Variants in ZNF804A observed in about 807,000 individuals in gnomAD.
ZNF804A encodes the protein zinc finger protein 804A.
Under a neutral mutation model 16.5 loss-of-function variants are expected in ZNF804A, and 2 were observed. That is an observed-to-expected ratio of 0.12 (90% CI 0.05 to 0.38). The LOEUF (loss-of-function observed/expected upper bound fraction) is 0.38, where lower values mean the gene tolerates loss of function less well. Among genes scored for constraint, ZNF804A ranks in the 10% least tolerant of loss-of-function variants. ZNF804A has a pLI of 0.99. For synonymous variants in ZNF804A, 534 were observed against 489.6 expected (o/e 1.09, Z -1.20); for missense variants, 1,473 against 1,390.7 (o/e 1.06, Z -0.94).
intron 2 of ZNF804A, among the ~76,000 whole-genome samples, chr2:184,903,673 C>A (rs1339011585): frequency 6.6e-6 from 1 of 152,076 alleles, no homozygotes; most frequent in Non-Finnish European, 1.5e-5. Flanking sequence ...TAGTTTATTT[C>A]ATTTTTATAA....
At chr2:184,920,240 A>G (rs896277131) in intron 2 of ZNF804A, among the ~76,000 whole-genome samples, 7 of 152,238 alleles carry the variant, frequency 4.6e-5, no homozygotes, top group East Asian at 1.9e-4. Flanking sequence ...GTCAAATGTC[A>G]CTTGCCCAGT....
intron 2 of ZNF804A, among the ~76,000 whole-genome samples, chr2:184,877,920 A>G (rs1021077431): frequency 2.6e-5 from 4 of 152,132 alleles, no homozygotes; most frequent in African/African-American, 7.2e-5. Context: ...GGAGAGAAGC[A>G]GTTAAGCAAG....
At chr2:184,849,993 C>T (rs111259937) in intron 1 of ZNF804A, among the ~76,000 whole-genome samples, 3 of 151,980 alleles carry the variant, frequency 2.0e-5, no homozygotes, top group Admixed American at 6.6e-5. Flanking sequence ...TATGTTCTCA[C>T]TCATATGTAG....
intron 2 of ZNF804A, among the ~76,000 whole-genome samples, chr2:184,870,930 T>C (rs1303792896): frequency 1.3e-5 from 2 of 151,918 alleles, no homozygotes; most frequent in African/African-American, 4.8e-5. Flanking sequence ...ATATGCACTC[T>C]ATAAAATTCT....
At chr2:184,878,438 G>A (rs1054722479) in intron 2 of ZNF804A, among the ~76,000 whole-genome samples, 2 of 152,032 alleles carry the variant, frequency 1.3e-5, no homozygotes, top group Non-Finnish European at 2.9e-5. Context: ...GCAGCAATAT[G>A]ATATGTGATT....
Position 184,598,887 on chromosome 2 carries a change from C to T in ZNF804A, c.-73C>T, listed in dbSNP as rs996604583. The T allele has an allele frequency of 1.0e-6, 1 of 997,574 alleles. No homozygotes were observed. The highest frequency in any genetic ancestry group is 1.7e-5 in the African/African-American group (1 of 58,226). 61.8% of individuals were successfully genotyped at this position (997,574 alleles called of 1,614,324 possible). A position where few individuals can be genotyped will look rare whatever the true frequency, so the allele number is the denominator to read the frequency against. On this transcript the variant is annotated 5_prime_UTR_variant, in exon 1 of 4. Coordinates refer to ENST00000302277, the MANE Select transcript of ZNF804A (RefSeq NM_194250.2). Reference sequence around the variant, plus strand: ...GGGTTCCCAGCCCACCGTCGCCGGCCCCGGCGCGCTGCGGCTGTGGGCGCG... The same window carrying T: ...GGGTTCCCAGCCCACCGTCGCCGGCTCCGGCGCGCTGCGGCTGTGGGCGCG...
intron 1 of ZNF804A, among the ~76,000 whole-genome samples, chr2:184,808,603 T>C (rs1045175851): frequency 1.3e-5 from 2 of 151,502 alleles, no homozygotes; most frequent in Non-Finnish European, 1.5e-5. Context: ...TAAATATTAA[T>C]AGATTATATT....
chr2:184,884,731 A>G (rs902747897), intron 2 of ZNF804A, among the ~76,000 whole-genome samples: 3 of 152,100 alleles, frequency 2.0e-5, no homozygotes, highest in African/African-American at 7.2e-5. Flanking sequence ...TAACCTAAAG[A>G]CATAAAAACC....
chr2:184,846,393 T>G (rs1290509134), intron 1 of ZNF804A, among the ~76,000 whole-genome samples: 2 of 152,116 alleles, frequency 1.3e-5, no homozygotes, highest in African/African-American at 4.8e-5. Context: ...CCTATACATA[T>G]AAGAGATTTC....
At chr2:184,857,842 T>C (rs977117305) in intron 1 of ZNF804A, among the ~76,000 whole-genome samples, 2 of 152,192 alleles carry the variant, frequency 1.3e-5, no homozygotes, top group Non-Finnish European at 2.9e-5. Context: ...CCTCTATGTG[T>C]CTTTACATGT....
intron 1 of ZNF804A, among the ~76,000 whole-genome samples, chr2:184,618,972 G>A (rs1691374922): frequency 6.6e-6 from 1 of 151,992 alleles, no homozygotes; most frequent in Non-Finnish European, 1.5e-5. Context: ...AAAAAGATCG[G>A]GGGCCTTTTA....
intron 1 of ZNF804A, among the ~76,000 whole-genome samples, chr2:184,713,581 A>G (rs1012756029): frequency 1.3e-5 from 2 of 151,988 alleles, no homozygotes; most frequent in Admixed American, 1.3e-4. Context: ...TCTTGAAACA[A>G]TAACTATGTG....
rs115849827 is a variant in ZNF804A, at chr2:184,768,760, T to A, written c.112-97609T>A. Among the ~76,000 whole-genome samples, 1,379 of 152,200 alleles carry A rather than the reference T, an allele frequency of 9.1e-3. 23 individuals carry two copies. The highest frequency in any genetic ancestry group is 0.032 in the African/African-American group (1,319 of 41,556). ...AACCAAAATACTATAATTTTGGACC[T>A]TTGTTAAATTCACCAAAATAATTAA... is the stretch of plus-strand genomic sequence containing the variant. On this transcript the variant is annotated intron_variant, in intron 1 of 3. Coordinates refer to ENST00000302277, the MANE Select transcript of ZNF804A (RefSeq NM_194250.2).
chr2:184,706,970 T>C (rs1324190536), intron 1 of ZNF804A, among the ~76,000 whole-genome samples: 1 of 152,180 alleles, frequency 6.6e-6, no homozygotes, highest in East Asian at 1.9e-4. Flanking sequence ...TATCAGCTTA[T>C]CAGGAGTCCT....
intron 1 of ZNF804A, among the ~76,000 whole-genome samples, chr2:184,793,266 G>A (rs1413357985): frequency 6.6e-6 from 1 of 152,164 alleles, no homozygotes; most frequent in African/African-American, 2.4e-5. Flanking sequence ...GTAGAATGAT[G>A]TACTTTCCTT....
chr2:184,879,052 G>A (rs1368974950), intron 2 of ZNF804A, among the ~76,000 whole-genome samples: 1 of 151,890 alleles, frequency 6.6e-6, no homozygotes, highest in Non-Finnish European at 1.5e-5. Flanking sequence ...GATAACTTAT[G>A]ATAACAAATT....
At chr2:184,715,640 A>G (rs891027646) in intron 1 of ZNF804A, among the ~76,000 whole-genome samples, 4 of 152,096 alleles carry the variant, frequency 2.6e-5, no homozygotes, top group African/African-American at 4.8e-5. Context: ...AGCTTAAGCC[A>G]TCAACTCGCC....
At chr2:184,647,170 CT>C (rs1691891539) in intron 1 of ZNF804A, among the ~76,000 whole-genome samples, 2 of 152,202 alleles carry the variant, frequency 1.3e-5, no homozygotes, top group African/African-American at 4.8e-5. Flanking sequence ...AGTTGCACCC[CT>C]AGGAAGGAGG....
At chr2:184,741,487 G>C (rs1693708263) in intron 1 of ZNF804A, among the ~76,000 whole-genome samples, 1 of 152,078 alleles carries the variant, frequency 6.6e-6, no homozygotes, top group African/African-American at 2.4e-5. Context: ...TAGATCTCCA[G>C]GAGGCAGAGC....
Sources: gnomAD v4.1 joint callset for allele counts (sites outside exome capture counted in the v4.1 genomes callset) on GRCh38, gnomAD v4.1.1 for gene constraint, MANE v1.5 for transcripts, NCBI Gene and HGNC (gene_info 2026-07-23, HGNC 2026-07-21) for gene names.